The following DDR1 variants were observed in gnomAD, a reference collection of about 807,000 sequenced individuals.
DDR1 encodes the protein epithelial discoidin domain-containing receptor 1.
In DDR1, 64 loss-of-function variants were observed where a neutral mutation model predicts 97.4. The ratio of observed to expected loss-of-function variants is 0.66; its 90% CI spans 0.54 to 0.81. The LOEUF is 0.81. DDR1 is among the 30% of genes least tolerant of loss of function. The pLI is 0.00. For missense variants in DDR1, 990 were observed against 1,259.6 expected (o/e 0.79, Z 3.24); for synonymous variants, 458 against 503.7 (o/e 0.91, Z 1.21).
chr6:30,896,460 T>A (rs1388726780), intron 12 of DDR1, among the ~76,000 whole-genome samples, 161 bp from the exon 13 acceptor site: 1 of 151,958 alleles, frequency 6.6e-6, no homozygotes, highest in East Asian at 1.9e-4. Context: ...GTCTTCCTGG[T>A]TTGAGGTTGG....
At position 30,896,986 on chromosome 6, in the gene DDR1, C is replaced by T. The variant is rs149766989; in HGVS notation, c.1870-28C>T. 5.4e-5 allele frequency: 86 copies of T among 1,602,896 alleles called. 2 individuals carry two copies. The South Asian group carries it at 6.5e-4, about 12-fold the overall frequency. ...GTGTTAATCCGTTTGACCCTGTGACCGCCTAGCAAACGAACTTCTTTCTCC... is the reference window on the plus strand; with the variant it reads ...GTGTTAATCCGTTTGACCCTGTGACTGCCTAGCAAACGAACTTCTTTCTCC... On this transcript the variant is annotated intron_variant, in intron 13 of 17. Coordinates refer to ENST00000376568, the MANE Select transcript of DDR1 (RefSeq NM_001297654.2).
Position 30,884,865 on chromosome 6 carries a change from C to G in DDR1, c.-43+155C>G. 1 of 321,946 alleles carries G rather than the reference C, an allele frequency of 3.1e-6. No individual in the cohort carries two copies. Among genetic ancestry groups the G allele is most frequent in the Non-Finnish European group, 5.7e-6 (1 of 176,442 alleles). The allele number at this position is 321,946 out of a possible 1,614,324, so 19.9% of individuals were successfully genotyped here. A position where few individuals can be genotyped will look rare whatever the true frequency, so the allele number is the denominator to read the frequency against. On this transcript the variant is annotated intron_variant, in intron 1 of 17. Transcript: ENST00000376568. This position sits in a 1 kb window ranked among gnomAD's most constrained non-coding sequence, Gnocchi z 6.1. ...TTCTAAGCCTCCCTGCCCGCCTCCC[C>G]GATGCTCTGGCATACCGTCTGAAAA...
Position 30,896,713 on chromosome 6 carries a change from G to C in DDR1, c.1717G>C (p.Asp573His), listed in dbSNP as rs2150424006. 6.2e-7 allele frequency: 1 copy of C among 1,606,842 alleles called. No homozygotes were observed. Among genetic ancestry groups the C allele is most frequent in the Non-Finnish European group, 8.5e-7 (1 of 1,176,620 alleles). ...QNSVPHYAEA[D>H]IVTLQGVTGG... ...CAGCGTCCCCCATTATGCCGAGGCT[G>C]ACATTGTTACCCTGCAGGGCGTCAC... The change falls in exon 13 of 18, where the codon GAC becomes CAC. Residue 573 changes from aspartate to histidine, a missense_variant. Physicochemically the swap from Asp to His is moderately conservative, Grantham distance 81. Transcript: ENST00000376568.
chr6:30,893,407 G>A lies in DDR1; in HGVS notation c.1331G>A (p.Arg444His), dbSNP rs149823598. 81 of 1,604,524 alleles carry A rather than the reference G, an allele frequency of 5.0e-5. No homozygotes were observed. In the African/African-American group the frequency reaches 8.4e-4, roughly 17 times the overall value. Residue 444 changes from arginine to histidine, a missense_variant, in exon 10 of 18, where the codon CGC becomes CAC. Arg to His is a conservative substitution (Grantham distance 29, BLOSUM62 0). Transcript: ENST00000376568. ...IALMLWRLHW[R>H]RLLSKAERRV... The stretch of plus-strand genomic sequence containing the variant: ...CTCATGCTCTGGCGGCTGCACTGGC[G>A]CAGGCTCCTCAGCAAGGTGGGCACA...
Position 30,895,457 on chromosome 6 carries a change from C to G in DDR1, c.1567C>G (p.Pro523Ala), listed in dbSNP as rs757720595. Residue 523 changes from proline to alanine, a missense_variant, in exon 12 of 18, where the codon CCC becomes GCC. Pro to Ala is a conservative substitution (Grantham distance 27, BLOSUM62 -1). Transcript: ENST00000376568. ...YRLLLATYARPPRGPGPPTPA... is the reference protein window; with the variant it reads ...YRLLLATYARAPRGPGPPTPA... ...CCTCCTTCTGGCCACTTACGCCCGT[C>G]CCCCTCGAGGCCCGGGCCCCCCCAC... 6.2e-7 allele frequency: 1 copy of G among 1,608,958 alleles called. No homozygotes were observed. Among genetic ancestry groups the G allele is most frequent in the Non-Finnish European group, 8.5e-7 (1 of 1,179,184 alleles).
chr6:30,885,756 A>T, intron 1 of DDR1: 2 of 1,293,260 alleles, frequency 1.5e-6, no homozygotes, highest in Non-Finnish European at 2.0e-6. Flanking sequence ...TGTCAGGGAC[A>T]CTGAGAGGTG....
intron 11 of DDR1, 35 bp from the exon 12 acceptor site, chr6:30,895,369 C>A: frequency 6.5e-7 from 1 of 1,537,796 alleles, no homozygotes. Flanking sequence ...AGTCTCATCC[C>A]TTCCCCGTGT....
At position 30,889,243 on chromosome 6, in the gene DDR1, G is replaced by A; in HGVS notation, c.230G>A (p.Gly77Glu). 6.2e-7 allele frequency: 1 copy of A among 1,613,080 alleles called. No individual in the cohort carries two copies. Among genetic ancestry groups the A allele is most frequent in the Non-Finnish European group, 8.5e-7 (1 of 1,180,032 alleles). Residue 77 changes from glycine (G) to glutamate (E), a missense_variant, in exon 4 of 18, where the codon GGG becomes GAG. By Grantham distance (98) the Gly-to-Glu change is moderately conservative. Coordinates refer to ENST00000376568, the MANE Select transcript of DDR1 (RefSeq NM_001297654.2). The surrounding 1 kb of genome is among the most constrained non-coding windows in gnomAD (Gnocchi z 4.9). Reference protein sequence around the residue: ...SDGDGAWCPAGSVFPKEEEYL... With the variant: ...SDGDGAWCPAESVFPKEEEYL... The stretch of plus-strand genomic sequence containing the variant: ...GGGGATGGGGCCTGGTGCCCCGCAG[G>A]GTCGGTGTTTCCCAAGGAGGAGGAG...
intron 12 of DDR1, 135 bp from the exon 13 acceptor site, chr6:30,896,486 G>T: frequency 1.8e-6 from 2 of 1,125,524 alleles, no homozygotes; most frequent in East Asian, 5.1e-5. Flanking sequence ...GGAATACTGG[G>T]AAGATACAGC....
In DDR1 at chr6:30,891,661, T is replaced by C. The variant is rs1479603210; in HGVS notation, c.665+182T>C. On this transcript the variant is annotated intron_variant, in intron 6 of 17. Coordinates refer to ENST00000376568, the MANE Select transcript of DDR1 (RefSeq NM_001297654.2). This position sits in a 1 kb window ranked among gnomAD's most constrained non-coding sequence, Gnocchi z 5.3. ...GGGGCCTCAAAGGGTAGCACTAGGG[T>C]GACCACTAGCCCGTATGACACTGTA... Among the ~76,000 whole-genome samples the C allele has an allele frequency of 6.6e-6, 1 of 151,878 alleles. No individual in the cohort carries two copies. The highest frequency in any genetic ancestry group is 6.6e-5 in the Admixed American group (1 of 15,262).
rs1214755123 is a variant in DDR1, at chr6:30,899,653, C to G, written c.*357C>G. 2 of 389,046 alleles carry G rather than the reference C, an allele frequency of 5.1e-6. No individual in the cohort carries two copies. The highest frequency in any genetic ancestry group is 9.3e-6 in the Non-Finnish European group (2 of 214,368). 24.1% of individuals were successfully genotyped at this position (389,046 alleles called of 1,614,324 possible). ...GGCCCATTGGAGCACCTGGGCCCCA[C>G]TGGACAACACTGATTCCTGGAGAGG... On this transcript the variant is annotated 3_prime_UTR_variant, in exon 18 of 18. Transcript: ENST00000376568.
Position 30,888,845 on chromosome 6 carries a change from G to A in DDR1, c.85+31G>A. ...GAGACTGAATCATGGGTCCCTGAGG[G>A]CCAGGGCTTGGGAGGTAGAGAGTTG... On this transcript the variant is annotated intron_variant, in intron 2 of 17. Transcript: ENST00000376568. The surrounding 1 kb of genome is among the most constrained non-coding windows in gnomAD (Gnocchi z 4.2). The A allele has an allele frequency of 1.2e-6, 2 of 1,612,954 alleles. No individual in the cohort carries two copies. Among genetic ancestry groups the A allele is most frequent in the Non-Finnish European group, 1.7e-6 (2 of 1,179,988 alleles).
chr6:30,898,944 G>A lies in DDR1; in HGVS notation c.2508G>A (p.Val836=), dbSNP rs2150474628. The A allele has an allele frequency of 6.2e-7, 1 of 1,614,118 alleles. No individual in the cohort carries two copies. The highest frequency in any genetic ancestry group is 1.1e-5 in the South Asian group (1 of 91,084). Residue 836 remains valine (V), a synonymous_variant, in exon 17 of 18, where the codon GTG becomes GTA. Transcript: ENST00000376568. ...CCTTTGGTGTGACCCTGTGGGAGGT[G>A]CTGATGCTCTGTAGGGCCCAGCCCT... ...VWAFGVTLWE[V]LMLCRAQPFG...
chr6:30,885,703 A>G (rs1311427320), intron 1 of DDR1: 2 of 1,307,118 alleles, frequency 1.5e-6, no homozygotes, highest in East Asian at 5.2e-5. Flanking sequence ...TGATGTATGC[A>G]TGAGCTTCTG....
At position 30,899,532 on chromosome 6, in the gene DDR1, C is replaced by T; in HGVS notation, c.*236C>T. On this transcript the variant is annotated 3_prime_UTR_variant, in exon 18 of 18. Coordinates refer to ENST00000376568, the MANE Select transcript of DDR1 (RefSeq NM_001297654.2). ...TCTTCCTTCCTAGAAGCCCCTGTCG[C>T]CCACCCAGCTGGTCCTGTGGATGGG... 8.7e-6 allele frequency: 5 copies of T among 577,258 alleles called. No homozygotes were observed. Among genetic ancestry groups the T allele is most frequent in the Middle Eastern group, 4.5e-4 (1 of 2,198 alleles). The allele number at this position is 577,258 out of a possible 1,614,324, so 35.8% of individuals were successfully genotyped here. A position where few individuals can be genotyped will look rare whatever the true frequency, so the allele number is the denominator to read the frequency against.
At chr6:30,898,842 T>C in intron 16 of DDR1, 46 bp from the exon 17 acceptor site, 7 of 1,576,254 alleles carry the variant, frequency 4.4e-6, no homozygotes, top group East Asian at 2.2e-5. Context: ...AGGGTCTACG[T>C]TGCCTGATGT....
At chr6:30,884,155 T>C (rs1581989810), upstream of DDR1, 4 of 148,262 alleles carry the variant, frequency 2.7e-5, no homozygotes, top group South Asian at 8.6e-4. This position sits in a 1 kb window ranked among gnomAD's most constrained non-coding sequence, Gnocchi z 6.1. Flanking sequence ...GGTTCTCGTT[T>C]GGGGAAGCGG....
At position 30,890,886 on chromosome 6, in the gene DDR1, T is replaced by A; in HGVS notation, c.418-87T>A. The A allele has an allele frequency of 7.0e-7, 1 of 1,438,446 alleles. No homozygotes were observed. Among genetic ancestry groups the A allele is most frequent in the Non-Finnish European group, 9.3e-7 (1 of 1,077,722 alleles). The allele number at this position is 1,438,446 out of a possible 1,614,324, so 89.1% of individuals were successfully genotyped here. ...CTCATGGGTCTCTAAGTGGCCACTGTGGGCTGGGCCAGGGAGCAGCTGGTG... is the reference window on the plus strand; with the variant it reads ...CTCATGGGTCTCTAAGTGGCCACTGAGGGCTGGGCCAGGGAGCAGCTGGTG... On this transcript the variant is annotated intron_variant, in intron 4 of 17. Coordinates refer to ENST00000376568, the MANE Select transcript of DDR1 (RefSeq NM_001297654.2). This position sits in a 1 kb window ranked among gnomAD's most constrained non-coding sequence, Gnocchi z 5.0.
In DDR1 at chr6:30,896,607, C is replaced by T. The variant is rs762243666; in HGVS notation, c.1625-14C>T. On this transcript the variant is annotated splice_polypyrimidine_tract_variant and intron_variant, in intron 12 of 17. Transcript: ENST00000376568. ...TGATGCCTCGTCCTGTCTTCTTTCC[C>T]CTCACCCCTGCAGCCTACAGTGGGG... 12 of 1,609,116 alleles carry T rather than the reference C, an allele frequency of 7.5e-6. No homozygotes were observed. Among genetic ancestry groups the T allele is most frequent in the African/African-American group, 1.3e-5 (1 of 74,670 alleles).
Sources: gnomAD v4.1 joint callset for allele counts (sites outside exome capture counted in the v4.1 genomes callset) on GRCh38, gnomAD v4.1.1 for gene constraint, Gnocchi (gnomAD v3.1) non-coding constraint, MANE v1.5 for transcripts, NCBI Gene and HGNC (gene_info 2026-07-23, HGNC 2026-07-21) for gene names.